The following HDGFL2 variants were observed in gnomAD, a reference collection of about 807,000 sequenced individuals.
HDGFL2 encodes the protein HDGF like 2, also known as hepatoma-derived growth factor-related protein 2.
HDGFL2 carries 36 observed loss-of-function variants against 77.1 expected under a neutral mutation model. The observed-to-expected ratio is 0.47, with a 90% CI of 0.36 to 0.62. The LOEUF (loss-of-function observed/expected upper bound fraction) is 0.62. Among genes scored for constraint, HDGFL2 ranks in the 20% least tolerant of loss-of-function variants. HDGFL2 has a pLI of 0.00. For synonymous variants in HDGFL2, 463 were observed against 413.1 expected (o/e 1.12, Z -1.46); for missense variants, 976 against 973.4 (o/e 1.00, Z -0.04).
chr19:4,487,595 C>T (rs576328965), intron 3 of HDGFL2, among the ~76,000 whole-genome samples: 2 of 152,292 alleles, frequency 1.3e-5, no homozygotes, highest in Non-Finnish European at 2.9e-5. Flanking sequence ...GTGTTTTCTT[C>T]CTGCCTGTCA....
chr19:4,481,036 T>A (rs1237495503), intron 3 of HDGFL2, among the ~76,000 whole-genome samples: 1 of 151,266 alleles, frequency 6.6e-6, no homozygotes, highest in Non-Finnish European at 1.5e-5. Flanking sequence ...TTTTTTTTTT[T>A]TTGAGACAAG....
At chr19:4,498,783 C>G (rs529446063) in intron 12 of HDGFL2, 31 bp from the exon 13 acceptor site, 1 of 1,495,450 alleles carries the variant, frequency 6.7e-7, no homozygotes, top group South Asian at 1.2e-5. Flanking sequence ...CTTGGCCAGG[C>G]CGTCTCCCTC....
At chr19:4,483,017 A>G (rs1312016310) in intron 3 of HDGFL2, among the ~76,000 whole-genome samples, 1 of 152,206 alleles carries the variant, frequency 6.6e-6, no homozygotes, top group Admixed American at 6.5e-5. Context: ...GGGATGCTCC[A>G]AAGAGAAACC....
intron 3 of HDGFL2, among the ~76,000 whole-genome samples, chr19:4,484,253 T>G (rs548350363): frequency 1.3e-5 from 2 of 151,410 alleles, no homozygotes; most frequent in Non-Finnish European, 2.9e-5. Flanking sequence ...CCGGCTAATT[T>G]TTGTATTTTT....
In HDGFL2 at chr19:4,493,869, C is replaced by A; in HGVS notation, c.838+7C>A. 6.7e-7 allele frequency: 1 copy of A among 1,503,218 alleles called. No individual in the cohort carries two copies. The highest frequency in any genetic ancestry group is 1.3e-5 in the South Asian group (1 of 77,966). 93.1% of individuals were successfully genotyped at this position (1,503,218 alleles called of 1,614,324 possible). Reference sequence around the variant, plus strand: ...CCGAGGGGCAGGAAGCCAGGTAGGGCCCTCGTGCTCGCACATCTCTTGGCC... The same window carrying A: ...CCGAGGGGCAGGAAGCCAGGTAGGGACCTCGTGCTCGCACATCTCTTGGCC... On this transcript the variant is annotated splice_region_variant and intron_variant, in intron 7 of 15. Transcript: ENST00000616600.
rs554136966 is a variant in HDGFL2 at position 4,497,887 on chromosome 19, C to A, written c.1329-71C>A. 23 of 1,393,224 alleles carry A rather than the reference C, an allele frequency of 1.7e-5. No homozygotes were observed. In the South Asian group the frequency reaches 1.8e-4, roughly 11 times the overall value. 86.3% of individuals were successfully genotyped at this position (1,393,224 alleles called of 1,614,324 possible). A position where few individuals can be genotyped will look rare whatever the true frequency, so the allele number is the denominator to read the frequency against. On this transcript the variant is annotated intron_variant, in intron 10 of 15. Coordinates refer to ENST00000616600, the MANE Select transcript of HDGFL2 (RefSeq NM_001001520.3). The stretch of plus-strand genomic sequence containing the variant: ...CTTTGCAGTGGGTTTGGGTCCACCC[C>A]TTCAGGCGCCAGCCCCTCAGTGGCA...
At chr19:4,478,336 G>C (rs1369232704) in intron 3 of HDGFL2, among the ~76,000 whole-genome samples, 3 of 151,580 alleles carry the variant, frequency 2.0e-5, no homozygotes, top group Non-Finnish European at 2.9e-5. Context: ...CCGAGTAGCT[G>C]GGACTATGGG....
At chr19:4,479,190 G>A (rs560538297) in intron 3 of HDGFL2, among the ~76,000 whole-genome samples, 199 of 151,852 alleles carry the variant, frequency 1.3e-3, no homozygotes, top group Non-Finnish European at 2.0e-3. Context: ...CCGGGCTCAC[G>A]CCTGAAATCC....
At chr19:4,481,691 A>T (rs1272574017) in intron 3 of HDGFL2, among the ~76,000 whole-genome samples, 1 of 148,646 alleles carries the variant, frequency 6.7e-6, no homozygotes, top group Non-Finnish European at 1.5e-5. Flanking sequence ...TCTTGACCTC[A>T]GGCAGTCCTC....
At chr19:4,482,242 C>G (rs1441430939) in intron 3 of HDGFL2, among the ~76,000 whole-genome samples, 1 of 151,192 alleles carries the variant, frequency 6.6e-6, no homozygotes, top group African/African-American at 2.4e-5. Flanking sequence ...TGGAGTCTCG[C>G]TCTGTTGCCC....
intron 6 of HDGFL2, 44 bp from the exon 7 acceptor site, chr19:4,493,659 C>T (rs1599718502): frequency 5.7e-6 from 8 of 1,400,698 alleles, no homozygotes; most frequent in African/African-American, 3.0e-5. Context: ...CCGCTTCTCA[C>T]GGTGGGGCTC....
intron 6 of HDGFL2, among the ~76,000 whole-genome samples, chr19:4,492,957 T>G (rs1232728901): frequency 7.1e-6 from 1 of 140,542 alleles, no homozygotes; most frequent in Non-Finnish European, 1.5e-5. Flanking sequence ...GTGGTGCGTG[T>G]GAGTTGTCTG....
intron 10 of HDGFL2, chr19:4,497,438 C>G (rs186969342): frequency 1.1e-5 from 3 of 277,318 alleles, no homozygotes; most frequent in African/African-American, 2.3e-5. Flanking sequence ...AACTCATGAT[C>G]CCCCCGCCTC....
At chr19:4,500,228 C>G (rs888913385) in intron 14 of HDGFL2, among the ~76,000 whole-genome samples, 1 of 152,148 alleles carries the variant, frequency 6.6e-6, no homozygotes, top group African/African-American at 2.4e-5. Context: ...ATGGGATGGG[C>G]GAGCTTGGGA....
chr19:4,484,685 T>TTTTTTTG, intron 3 of HDGFL2, among the ~76,000 whole-genome samples: 1 of 81,920 alleles, frequency 1.2e-5, no homozygotes, highest in Non-Finnish European at 2.5e-5. Flanking sequence ...TTTTTTTTTT[T>TTTTTTTG]TTTTGACACG....
chr19:4,501,865 C>T (rs1975901833), intron 15 of HDGFL2, 46 bp from the exon 16 acceptor site: 1 of 1,348,752 alleles, frequency 7.4e-7, no homozygotes, highest in Non-Finnish European at 9.7e-7. Flanking sequence ...ACAGGCAGGG[C>T]AGGGGCGGGA....
rs764200357 is a variant in HDGFL2, at chr19:4,496,296, C to T, written c.1225-6C>T. The T allele has an allele frequency of 3.7e-6, 6 of 1,613,536 alleles. No homozygotes were observed. The highest frequency in any genetic ancestry group is 1.7e-5 in the Admixed American group (1 of 60,000). ...TGCTCCAGCGCGCCCTTCCTGACTG[C>T]TATAGGCCAAGAAATCAGCGAAGAA... On this transcript the variant is annotated splice_polypyrimidine_tract_variant and splice_region_variant and intron_variant, in intron 9 of 15. Coordinates refer to ENST00000616600, the MANE Select transcript of HDGFL2 (RefSeq NM_001001520.3).
At position 4,484,666 on chromosome 19, in the gene HDGFL2, ATTTTTTTTT is replaced by A. The variant is rs71168907; in HGVS notation, c.289-3995_289-3987del. Among the ~76,000 whole-genome samples the A allele has an allele frequency of 5.4e-4, 40 of 74,118 alleles. No homozygotes were observed. In the East Asian group the frequency reaches 0.012, roughly 22 times the overall value. 48.6% of individuals were successfully genotyped at this position (74,118 alleles called of 152,430 possible). A position where few individuals can be genotyped will look rare whatever the true frequency, so the allele number is the denominator to read the frequency against. ...AGGCACCCGCCATCACGCCTGGCTA[ATTTTTTTTT>A]TTTTTTTTTTTTTTGACACGGAGTC... On this transcript the variant is annotated intron_variant, in intron 3 of 15. Coordinates refer to ENST00000616600, the MANE Select transcript of HDGFL2 (RefSeq NM_001001520.3).
At chr19:4,475,219 C>T (rs570585984) in intron 1 of HDGFL2, 56 bp from the exon 2 acceptor site, 59 of 1,502,390 alleles carry the variant, frequency 3.9e-5, no homozygotes, top group African/African-American at 8.3e-5. Flanking sequence ...GCTGATTTCT[C>T]GGTGATTTCC....
Sources: allele counts gnomAD v4.1 joint callset (sites outside exome capture counted in the v4.1 genomes callset), GRCh38; gene constraint gnomAD v4.1.1; transcripts MANE v1.5; gene names NCBI Gene and HGNC (gene_info 2026-07-23, HGNC 2026-07-21).